Variants in MEGF10 observed in about 807,000 individuals in gnomAD.
The protein encoded by MEGF10 is multiple EGF like domains 10.
MEGF10 carries 86 observed loss-of-function variants against 147.5 expected under a neutral mutation model. The ratio of observed to expected loss-of-function variants is 0.58; its 90% CI spans 0.49 to 0.70. The LOEUF is 0.70. Ranked by LOEUF, MEGF10 falls within the 30% of genes least tolerant of loss-of-function variation. The pLI, the probability that MEGF10 is intolerant of heterozygous loss-of-function variation, is 0.00. For synonymous variants in MEGF10, 478 were observed against 525.5 expected (o/e 0.91, Z 1.24); for missense variants, 1,329 against 1,487.3 (o/e 0.89, Z 1.75).
chr5:127,280,027 C>A, the MEGF10 span, among the ~76,000 whole-genome samples: 3 of 152,098 alleles, frequency 2.0e-5, no homozygotes, highest in African/African-American at 7.2e-5. Flanking sequence ...AATATGTGGG[C>A]AAAAGAGTTT....
chr5:127,396,419 A>G, intron 5 of MEGF10, 113 bp from the exon 6 acceptor site: 1 of 1,282,442 alleles, frequency 7.8e-7, no homozygotes, highest in South Asian at 1.8e-5. Context: ...CAGGGCCCTG[A>G]TGTCCAGCTA....
the MEGF10 span, among the ~76,000 whole-genome samples, chr5:127,232,383 A>G: frequency 6.2e-4 from 94 of 152,290 alleles, no homozygotes; most frequent in African/African-American, 2.3e-3. Flanking sequence ...GCTGACAATC[A>G]AGATCAACAA....
chr5:127,449,253 C>G, intron 22 of MEGF10, 31 bp downstream of exon 22: 1 of 1,610,292 alleles, frequency 6.2e-7, no homozygotes, highest in Non-Finnish European at 8.5e-7. Context: ...TCCCCAGAAG[C>G]ACCTTGACCT....
chr5:127,365,911 T>C (rs866572874), intron 4 of MEGF10, among the ~76,000 whole-genome samples: 32 of 152,344 alleles, frequency 2.1e-4, no homozygotes, highest in Middle Eastern at 3.4e-3. Context: ...ACCACACTTA[T>C]AATGGGTCCT....
the MEGF10 span, among the ~76,000 whole-genome samples, chr5:127,268,507 T>G: frequency 1.3e-5 from 2 of 152,252 alleles, no homozygotes; most frequent in East Asian, 3.9e-4. Flanking sequence ...TGTCTAATGT[T>G]GACAGAACTG....
intron 7 of MEGF10, among the ~76,000 whole-genome samples, chr5:127,400,772 C>T (rs1004555610): frequency 6.6e-6 from 1 of 152,166 alleles, no homozygotes; most frequent in African/African-American, 2.4e-5. Flanking sequence ...GACAGATGGA[C>T]CCCTCCCTAG....
intron 20 of MEGF10, 147 bp from the exon 21 acceptor site, chr5:127,447,410 C>T (rs1053724883): frequency 4.2e-6 from 4 of 952,384 alleles, no homozygotes; most frequent in Non-Finnish European, 4.8e-6. Context: ...ATCTCCTGAC[C>T]TCGTCATCTG....
chr5:127,326,539 AT>A (rs1220089150), intron 1 of MEGF10, among the ~76,000 whole-genome samples: 1 of 152,164 alleles, frequency 6.6e-6, no homozygotes, highest in African/African-American at 2.4e-5. Flanking sequence ...ACCAGCAAGC[AT>A]TACTCATCCT....
At chr5:127,435,559 G>T in intron 16 of MEGF10, 70 bp downstream of exon 16, 1 of 1,418,436 alleles carries the variant, frequency 7.1e-7, no homozygotes, top group East Asian at 2.5e-5. Context: ...TAGGATTGAA[G>T]TATGAGTGTT....
At chr5:127,235,652 C>T in the MEGF10 span, among the ~76,000 whole-genome samples, 1 of 152,192 alleles carries the variant, frequency 6.6e-6, no homozygotes, top group African/African-American at 2.4e-5. Flanking sequence ...TTGTGGATCA[C>T]CTCAATGGCT....
intron 5 of MEGF10, among the ~76,000 whole-genome samples, chr5:127,386,966 C>T (rs1763457991): frequency 6.6e-6 from 1 of 152,190 alleles, no homozygotes; most frequent in African/African-American, 2.4e-5. Flanking sequence ...GGGGACTACC[C>T]CAAGGTTCTG....
At chr5:127,307,147 T>TA (rs906778778) in intron 1 of MEGF10, among the ~76,000 whole-genome samples, 5 of 152,078 alleles carry the variant, frequency 3.3e-5, no homozygotes, top group East Asian at 1.9e-4. Context: ...CCCAGAATAC[T>TA]AAAAAAAATA....
chr5:127,428,303 T>C (rs1205120784), intron 13 of MEGF10, among the ~76,000 whole-genome samples: 1 of 152,156 alleles, frequency 6.6e-6, no homozygotes, highest in Admixed American at 6.5e-5. Context: ...AGATTTGGTT[T>C]AACAACCATT....
rs140918247 is a variant in MEGF10 at position 127,416,598 on chromosome 5, G to A, written c.1131-1040G>A. Among the ~76,000 whole-genome samples, 1,106 of 152,288 alleles carry A rather than the reference G, an allele frequency of 7.3e-3. 13 individuals carry two copies. Among genetic ancestry groups the A allele is most frequent in the Non-Finnish European group, 0.011 (781 of 68,036 alleles). On this transcript the variant is annotated intron_variant, in intron 9 of 24. Transcript: ENST00000503335. ...CCTTGCCTGTGAACACTAAGGTGCAGCAGGGTTCTAAAAGTATATTTAAAT... is the reference window on the plus strand; with the variant it reads ...CCTTGCCTGTGAACACTAAGGTGCAACAGGGTTCTAAAAGTATATTTAAAT...
chr5:127,380,366 C>T (rs916376137), intron 5 of MEGF10, among the ~76,000 whole-genome samples: 10 of 152,040 alleles, frequency 6.6e-5, no homozygotes, highest in Non-Finnish European at 8.8e-5. Flanking sequence ...GCAAAGCATC[C>T]GAAGCAGCCA....
At chr5:127,417,517 T>G in intron 9 of MEGF10, 121 bp from the exon 10 acceptor site, 1 of 966,658 alleles carries the variant, frequency 1.0e-6, no homozygotes, top group Non-Finnish European at 1.6e-6. Flanking sequence ...GAATGAAGTT[T>G]GAATTATTCT....
chr5:127,270,472 A>T, the MEGF10 span, among the ~76,000 whole-genome samples: 1 of 152,236 alleles, frequency 6.6e-6, no homozygotes, highest in African/African-American at 2.4e-5. Flanking sequence ...AACAAAGATC[A>T]AAAGAGACAA....
chr5:127,269,752 G>A, the MEGF10 span, among the ~76,000 whole-genome samples: 7 of 151,966 alleles, frequency 4.6e-5, no homozygotes, highest in Non-Finnish European at 7.4e-5. Flanking sequence ...CACACTCCTC[G>A]AGAAGAGCAA....
the MEGF10 span, among the ~76,000 whole-genome samples, chr5:127,269,029 T>C: frequency 6.6e-6 from 1 of 152,250 alleles, no homozygotes; most frequent in Non-Finnish European, 1.5e-5. Context: ...CTGAGGGTCC[T>C]GACTGTTAGA....
Sources: gnomAD v4.1 joint callset for allele counts (sites outside exome capture counted in the v4.1 genomes callset) on GRCh38, gnomAD v4.1.1 for gene constraint, MANE v1.5 for transcripts, NCBI Gene and HGNC (gene_info 2026-07-23, HGNC 2026-07-21) for gene names.